GLI3: variants seen among roughly 807,000 people sequenced by gnomAD.
The protein encoded by GLI3 is GLI family zinc finger 3.
GLI3 carries 20 observed loss-of-function variants against 100.8 expected under a neutral mutation model. That is an observed-to-expected ratio of 0.20 (90% CI 0.14 to 0.29). The LOEUF is 0.29. Ranked by LOEUF, GLI3 falls within the 10% of genes least tolerant of loss-of-function variation. The pLI is 1.00. For synonymous variants in GLI3, 938 were observed against 860.5 expected, an observed-to-expected ratio of 1.09 and a Z score of -1.58; for missense variants, 2,040 against 2,128.5, an observed-to-expected ratio of 0.96 and a Z score of 0.82.
chr7:42,011,188 T>C (rs1440325442), intron 10 of GLI3, among the ~76,000 whole-genome samples: 1 of 152,172 alleles, frequency 6.6e-6, no homozygotes. Flanking sequence ...TACCCACAGA[T>C]AGCAGTGTCA....
At chr7:42,239,558 C>A (rs1788902633), upstream of GLI3, among the ~76,000 whole-genome samples, 1 of 152,098 alleles carries the variant, frequency 6.6e-6, no homozygotes, top group African/African-American at 2.4e-5. Flanking sequence ...CTCTGTTCAC[C>A]CAATGGCAAA....
upstream of GLI3, among the ~76,000 whole-genome samples, chr7:42,238,363 T>G (rs1488784001): frequency 6.6e-6 from 1 of 152,134 alleles, no homozygotes; most frequent in Non-Finnish European, 1.5e-5. Flanking sequence ...CCCCCCATCC[T>G]TGGCTCCCCA....
chr7:42,262,156 C>G (rs1317589251), intron 1 of GLI3, among the ~76,000 whole-genome samples: 1 of 148,466 alleles, frequency 6.7e-6, no homozygotes, highest in Non-Finnish European at 1.5e-5. Context: ...CTCCTAGGCT[C>G]TTTTTTTTCA....
At chr7:42,175,454 C>T (rs1248482590) in intron 2 of GLI3, among the ~76,000 whole-genome samples, 1 of 152,072 alleles carries the variant, frequency 6.6e-6, no homozygotes, top group East Asian at 1.9e-4. Flanking sequence ...CCTGTCTCGA[C>T]TAAAAATACA....
chr7:42,044,268 A>T (rs980013522), intron 6 of GLI3, among the ~76,000 whole-genome samples: 2 of 152,214 alleles, frequency 1.3e-5, no homozygotes, highest in Non-Finnish European at 2.9e-5. Flanking sequence ...CGCTAAGCAA[A>T]GGCCCTACTC....
chr7:41,992,696 C>A (rs1788021075), intron 10 of GLI3, among the ~76,000 whole-genome samples: 2 of 152,070 alleles, frequency 1.3e-5, no homozygotes, highest in African/African-American at 4.8e-5. Flanking sequence ...AAGGAGAGAA[C>A]AAAGGACACA....
intron 13 of GLI3, among the ~76,000 whole-genome samples, chr7:41,971,547 C>T (rs573303449): frequency 6.6e-6 from 1 of 152,124 alleles, no homozygotes; most frequent in Non-Finnish European, 1.5e-5. Flanking sequence ...GTAGCAGAGC[C>T]CACATGTCCT....
In GLI3 at chr7:42,148,450, T is replaced by G; in HGVS notation, c.143A>C (p.Gln48Pro). The part of the protein sequence containing the change: ...TTSNEDESPG[Q>P]TYHRERRNAI... ...GTTTCTTCTCTCTCTGTGATAAGTC[T>G]GTCCAGGACTTTCATCCTCTAAAGA... Residue 48 changes from glutamine to proline, a missense_variant, in exon 3 of 15, where the codon CAG (glutamine) becomes CCG (proline). Physicochemically the swap from Gln to Pro is moderately conservative, Grantham distance 76. Transcript: ENST00000395925. The G allele has an allele frequency of 6.2e-7, 1 of 1,613,696 alleles. No individual in the cohort carries two copies. Among genetic ancestry groups the G allele is most frequent in the Non-Finnish European group, 8.5e-7 (1 of 1,179,574 alleles).
chr7:42,036,783 T>C (rs1176725066), intron 7 of GLI3, among the ~76,000 whole-genome samples: 1 of 152,206 alleles, frequency 6.6e-6, no homozygotes, highest in African/African-American at 2.4e-5. Context: ...GTGCTAGTGC[T>C]GATGCCCACC....
At chr7:42,256,280 A>C (rs1789083926) in intron 1 of GLI3, among the ~76,000 whole-genome samples, 2 of 151,782 alleles carry the variant, frequency 1.3e-5, no homozygotes, top group South Asian at 4.2e-4. Flanking sequence ...AAAGTTTTTA[A>C]TGTTGATGAA....
At chr7:42,184,192 T>C (rs780739173) in intron 2 of GLI3, among the ~76,000 whole-genome samples, 35 of 152,228 alleles carry the variant, frequency 2.3e-4, no homozygotes, top group Non-Finnish European at 4.3e-4. Context: ...AGAATAAAAC[T>C]AAAATTCCTG....
At chr7:42,156,023 G>A (rs1467971041) in intron 2 of GLI3, among the ~76,000 whole-genome samples, 2 of 152,140 alleles carry the variant, frequency 1.3e-5, no homozygotes, top group African/African-American at 4.8e-5. Flanking sequence ...GGTCAGCGAA[G>A]ATTGCTGTGA....
At chr7:42,235,734 G>A (rs1788777818) in intron 1 of GLI3, among the ~76,000 whole-genome samples, 2 of 152,182 alleles carry the variant, frequency 1.3e-5, no homozygotes, top group African/African-American at 4.8e-5. Context: ...CACAGCGGCC[G>A]GCCCTCCATA....
intron 2 of GLI3, among the ~76,000 whole-genome samples, chr7:42,196,213 G>A (rs1358661461): frequency 6.6e-6 from 1 of 152,122 alleles, no homozygotes; most frequent in African/African-American, 2.4e-5. Flanking sequence ...TCTTTTAAAG[G>A]GACCTACCTC....
chr7:42,089,802 T>G (rs1229635121), intron 3 of GLI3, among the ~76,000 whole-genome samples: 1 of 152,236 alleles, frequency 6.6e-6, no homozygotes, highest in African/African-American at 2.4e-5. Flanking sequence ...CTCCACAAAG[T>G]TGTACAAGGC....
At chr7:42,018,448 A>G (rs1419715633) in intron 10 of GLI3, among the ~76,000 whole-genome samples, 2 of 152,220 alleles carry the variant, frequency 1.3e-5, no homozygotes, top group Non-Finnish European at 2.9e-5. Context: ...ATGCAACTTT[A>G]GCAAAGGGAT....
At chr7:42,108,060 A>C (rs1201126920) in intron 3 of GLI3, among the ~76,000 whole-genome samples, 1 of 148,352 alleles carries the variant, frequency 6.7e-6, no homozygotes, top group East Asian at 2.1e-4. Flanking sequence ...TGGAAGAGTC[A>C]AAAGGAATCT....
intron 3 of GLI3, among the ~76,000 whole-genome samples, chr7:42,101,407 C>G (rs1294720463): frequency 1.3e-5 from 2 of 151,996 alleles, no homozygotes; most frequent in Non-Finnish European, 1.5e-5. Context: ...TCGAGACCAC[C>G]CTGGACAACA....
chr7:42,064,822 C>T (rs139705114), intron 4 of GLI3, among the ~76,000 whole-genome samples: 9 of 152,292 alleles, frequency 5.9e-5, no homozygotes, highest in Admixed American at 1.3e-4. Flanking sequence ...ATAAATCCTC[C>T]CTCTGTGAAG....
Sources: allele counts gnomAD v4.1 joint callset (sites outside exome capture counted in the v4.1 genomes callset), GRCh38; gene constraint gnomAD v4.1.1; transcripts MANE v1.5; gene names NCBI Gene and HGNC (gene_info 2026-07-23, HGNC 2026-07-21).